ABCC4: variants seen among roughly 807,000 people sequenced by gnomAD.
The protein encoded by ABCC4 is ATP-binding cassette sub-family C member 4.
In ABCC4, 102 loss-of-function variants were observed where a neutral mutation model predicts 168.5. The ratio of observed to expected loss-of-function variants is 0.61; its 90% CI spans 0.52 to 0.71. ABCC4 has a LOEUF of 0.71. Among genes scored for constraint, ABCC4 ranks in the 30% least tolerant of loss-of-function variants. The pLI, the probability that ABCC4 is intolerant of heterozygous loss-of-function variation, is 0.00. For missense variants in ABCC4, 1,402 were observed against 1,605.8 expected, an observed-to-expected ratio of 0.87 and a Z score of 2.17; for synonymous variants, 617 against 590.7, an observed-to-expected ratio of 1.04 and a Z score of -0.65.
chr13:95,170,754 C>T (rs2139573454), intron 13 of ABCC4, 126 bp from the exon 14 acceptor site: 1 of 553,548 alleles, frequency 1.8e-6, no homozygotes. Context: ...TAAATACAAA[C>T]TAAATACAAA....
chr13:95,064,291 TATATATAC>T (rs1308987373), intron 25 of ABCC4, among the ~76,000 whole-genome samples: 1,777 of 100,636 alleles, frequency 0.018, 25 homozygotes, highest in Middle Eastern at 0.027. Flanking sequence ...TATATATATA[TATATATAC>T]ACACACACAC....
intron 3 of ABCC4, among the ~76,000 whole-genome samples, chr13:95,236,769 T>C (rs970857283): frequency 1.3e-5 from 2 of 152,178 alleles, no homozygotes; most frequent in South Asian, 4.1e-4. Context: ...CACCATTACA[T>C]TTCCAGCATG....
chr13:95,284,670 C>T (rs892408971), intron 1 of ABCC4, among the ~76,000 whole-genome samples: 1 of 152,170 alleles, frequency 6.6e-6, no homozygotes, highest in African/African-American at 2.4e-5. Flanking sequence ...GGTTTGACTC[C>T]CACTGGAACA....
At chr13:95,163,019 G>T in intron 18 of ABCC4, 103 bp downstream of exon 18, 1 of 784,676 alleles carries the variant, frequency 1.3e-6, no homozygotes, top group Non-Finnish European at 2.3e-6. Context: ...CTCCTGATCT[G>T]TTAAGACATT....
Position 95,108,666 on chromosome 13 carries a change from G to T in ABCC4, c.2535+7256C>A, listed in dbSNP as rs547666695. 1.8e-3 allele frequency among the ~76,000 whole-genome samples: 238 copies of T among 135,952 alleles called. 1 individual carries two copies. Among genetic ancestry groups the T allele is most frequent in the African/African-American group, 5.6e-3 (204 of 36,164 alleles). The allele number at this position is 135,952 out of a possible 152,430, so 89.2% of individuals were successfully genotyped here. A position where few individuals can be genotyped will look rare whatever the true frequency, so the allele number is the denominator to read the frequency against. On this transcript the variant is annotated intron_variant, in intron 20 of 30. Coordinates refer to ENST00000645237, the MANE Select transcript of ABCC4 (RefSeq NM_005845.5). The stretch of plus-strand genomic sequence containing the variant: ...CTTTTTTTTTTTTTTATTTTATTTT[G>T]AGACAGAGTGTGTCGTCCAGGCTGG...
intron 8 of ABCC4, among the ~76,000 whole-genome samples, chr13:95,195,306 G>C (rs1166386070): frequency 1.3e-5 from 2 of 152,164 alleles, no homozygotes; most frequent in African/African-American, 4.8e-5. Context: ...GGTTGGAAAT[G>C]ATCTGATGAA....
intron 1 of ABCC4, among the ~76,000 whole-genome samples, chr13:95,267,653 C>A (rs929938327): frequency 6.6e-6 from 1 of 152,074 alleles, no homozygotes; most frequent in African/African-American, 2.4e-5. Flanking sequence ...GGGTTTTATC[C>A]CTGGTTCTTC....
chr13:95,111,271 A>G (rs1489707546), intron 20 of ABCC4, among the ~76,000 whole-genome samples: 5 of 152,206 alleles, frequency 3.3e-5, no homozygotes, highest in Admixed American at 3.3e-4. Context: ...AGCTGTTACA[A>G]GTTTTGAAAA....
At chr13:95,295,800 T>C (rs2041515181) in intron 1 of ABCC4, among the ~76,000 whole-genome samples, 1 of 150,626 alleles carries the variant, frequency 6.6e-6, no homozygotes, top group Non-Finnish European at 1.5e-5. Flanking sequence ...CCATTTCTAC[T>C]AAAAACACAC....
At chr13:95,087,238 A>C (rs921437090) in intron 20 of ABCC4, among the ~76,000 whole-genome samples, 3 of 152,194 alleles carry the variant, frequency 2.0e-5, no homozygotes, top group Admixed American at 6.5e-5. Flanking sequence ...AAACAAACAA[A>C]AAACTGGCAG....
chr13:95,166,224 C>T lies in ABCC4; in HGVS notation c.1968G>A (p.Glu656=), dbSNP rs1488095149. The change falls in exon 15 of 31, where the codon GAG becomes GAA. Residue 656 remains glutamate (E), a synonymous_variant. Coordinates refer to ENST00000645237, the MANE Select transcript of ABCC4 (RefSeq NM_005845.5). ...TPTLRNRTFS[E]SSVWSQQSSR... Reference sequence around the variant, plus strand: ...AAGATTGTTGAGACCAAACCGAAGACTCTGAGAAGGTACGATTCCTTAGTG... The same window carrying T: ...AAGATTGTTGAGACCAAACCGAAGATTCTGAGAAGGTACGATTCCTTAGTG... 1.9e-6 allele frequency: 3 copies of T among 1,614,048 alleles called. No individual in the cohort carries two copies. The highest frequency in any genetic ancestry group is 4.5e-5 in the East Asian group (2 of 44,878).
intron 1 of ABCC4, among the ~76,000 whole-genome samples, chr13:95,260,283 T>C (rs4148433): frequency 0.074 from 11,280 of 152,132 alleles, 933 homozygotes; most frequent in African/African-American, 0.2. Context: ...GAGTTTCTTG[T>C]TTTGTTTTTC....
chr13:95,221,668 C>G (rs930006032), intron 4 of ABCC4, among the ~76,000 whole-genome samples: 2 of 128,674 alleles, frequency 1.6e-5, no homozygotes, highest in Non-Finnish European at 3.4e-5. Flanking sequence ...AAAAAAAAAA[C>G]GAGAAATAAA....
chr13:95,296,885 G>A (rs915434580), intron 1 of ABCC4, among the ~76,000 whole-genome samples: 6 of 152,104 alleles, frequency 3.9e-5, no homozygotes, highest in Non-Finnish European at 7.3e-5. Flanking sequence ...TGGGGAAAAC[G>A]AGCTGTTTGG....
chr13:95,027,903 C>G (rs1022893583), intron 30 of ABCC4, among the ~76,000 whole-genome samples: 1 of 151,994 alleles, frequency 6.6e-6, no homozygotes, highest in Non-Finnish European at 1.5e-5. Context: ...AAGATTAAAC[C>G]TCAGAGTAAA....
Position 95,206,714 on chromosome 13 carries a change from C to T in ABCC4, c.979G>A (p.Ala327Thr). 6.2e-7 allele frequency: 1 copy of T among 1,613,948 alleles called. No homozygotes were observed. Among genetic ancestry groups the T allele is most frequent in the South Asian group, 1.1e-5 (1 of 91,026 alleles). ...GTCACAAACACGATGATTTTGCTTG[C>T]ACTGAAAAATGAAGCCAAATTCATC... ...RGMNLASFFS[A>T]SKIIVFVTFT... The change falls in exon 8 of 31, where the codon GCA becomes ACA. Residue 327 changes from alanine to threonine, a missense_variant. Coordinates refer to ENST00000645237, the MANE Select transcript of ABCC4 (RefSeq NM_005845.5).
intron 1 of ABCC4, among the ~76,000 whole-genome samples, chr13:95,265,088 C>T (rs1319133412): frequency 1.3e-5 from 2 of 151,932 alleles, no homozygotes; most frequent in African/African-American, 2.4e-5. Flanking sequence ...AGGCTGGTCT[C>T]GAACTCCTGA....
chr13:95,151,596 G>GAGGAGGAGA (rs1478261618), intron 19 of ABCC4, among the ~76,000 whole-genome samples: 2 of 132,548 alleles, frequency 1.5e-5, no homozygotes, highest in Non-Finnish European at 3.2e-5. Flanking sequence ...GGAGAAGAAG[G>GAGGAGGAGA]AGGAGGAGAA....
At chr13:95,180,951 CAG>C (rs1389907364) in intron 11 of ABCC4, among the ~76,000 whole-genome samples, 6 of 152,112 alleles carry the variant, frequency 3.9e-5, no homozygotes, top group Non-Finnish European at 7.4e-5. Context: ...ACGCCTCAGA[CAG>C]GGAAAATATT....
Sources: allele counts gnomAD v4.1 joint callset (sites outside exome capture counted in the v4.1 genomes callset), GRCh38; gene constraint gnomAD v4.1.1; transcripts MANE v1.5; gene names NCBI Gene and HGNC (gene_info 2026-07-23, HGNC 2026-07-21).